MAP9: variants seen among roughly 807,000 people sequenced by gnomAD.
The protein encoded by MAP9 is microtubule associated protein 9.
MAP9 carries 80 observed loss-of-function variants against 75.2 expected under a neutral mutation model. The ratio of observed to expected loss-of-function variants is 1.06; its 90% CI spans 0.89 to 1.28. The LOEUF (loss-of-function observed/expected upper bound fraction) is 1.28, where lower values mean the gene tolerates loss of function less well. Ranked by LOEUF, MAP9 falls within the 50% of genes most tolerant of loss-of-function variation. The pLI, the probability that MAP9 is intolerant of heterozygous loss-of-function variation, is 0.00. For synonymous variants in MAP9, 235 were observed against 237.3 expected (o/e 0.99, Z 0.09); for missense variants, 753 against 719.9 (o/e 1.05, Z -0.53).
chr4:155,358,295 A>G (rs896232914), intron 7 of MAP9, among the ~76,000 whole-genome samples: 2 of 152,186 alleles, frequency 1.3e-5, no homozygotes, highest in Non-Finnish European at 2.9e-5. Flanking sequence ...CAACTTTTCT[A>G]CTTTACACAG....
chr4:155,359,323 G>A (rs931261755), intron 7 of MAP9, among the ~76,000 whole-genome samples: 1 of 151,666 alleles, frequency 6.6e-6, no homozygotes, highest in Non-Finnish European at 1.5e-5. Flanking sequence ...ATTACCTTAA[G>A]TGAAATAAAT....
chr4:155,362,300 T>A (rs1030671267), intron 5 of MAP9, 159 bp from the exon 6 acceptor site: 4 of 528,598 alleles, frequency 7.6e-6, no homozygotes, highest in African/African-American at 6.0e-5. Context: ...GACAAGCCAA[T>A]GGAGGTAAGC....
At chr4:155,371,438 T>G (rs73855409) in intron 4 of MAP9, among the ~76,000 whole-genome samples, 101 of 152,142 alleles carry the variant, frequency 6.6e-4, no homozygotes, top group African/African-American at 2.0e-3. Context: ...TTTTTACTTT[T>G]CAACCTGAAG....
rs1441449612 is a variant in MAP9, at chr4:155,352,974, T to C, written c.1626A>G (p.Lys542=). Residue 542 remains lysine, a synonymous_variant, in exon 12 of 14, where the codon AAA becomes AAG. Coordinates refer to ENST00000311277, the MANE Select transcript of MAP9 (RefSeq NM_001039580.2). The part of the protein sequence containing the change: ...RKEREYERAK[K]QKEEETVAEK... ...CGGCAACAGTTTCCTCCTCTTTCTG[T>C]TTCTTTGCTCTTTCATATTCTCTCT... 2.6e-6 allele frequency: 4 copies of C among 1,544,508 alleles called. No individual in the cohort carries two copies. The highest frequency in any genetic ancestry group is 3.5e-6 in the Non-Finnish European group (4 of 1,140,670).
intron 4 of MAP9, 61 bp downstream of exon 4, chr4:155,373,075 G>T: frequency 1.7e-6 from 2 of 1,164,376 alleles, no homozygotes; most frequent in South Asian, 1.8e-5. Context: ...AAAAATTTTG[G>T]GACTGATTAT....
At chr4:155,366,586 T>C (rs1281284121) in intron 5 of MAP9, among the ~76,000 whole-genome samples, 1 of 152,148 alleles carries the variant, frequency 6.6e-6, no homozygotes, top group Non-Finnish European at 1.5e-5. Context: ...TATCAAGATT[T>C]AGCACGAAAG....
At chr4:155,375,607 T>C (rs1367405781) in intron 2 of MAP9, among the ~76,000 whole-genome samples, 169 bp downstream of exon 2, 1 of 152,156 alleles carries the variant, frequency 6.6e-6, no homozygotes, top group Non-Finnish European at 1.5e-5. Context: ...TAAAACCATA[T>C]AGGGGAGTTT....
At chr4:155,355,190 A>G (rs1731715912) in intron 9 of MAP9, 30 bp from the exon 10 acceptor site, 2 of 759,204 alleles carry the variant, frequency 2.6e-6, no homozygotes, top group Non-Finnish European at 4.0e-6. Flanking sequence ...GTCATATAAT[A>G]TTTAAAATTT....
At chr4:155,358,405 T>C (rs1731901311) in intron 7 of MAP9, among the ~76,000 whole-genome samples, 1 of 152,214 alleles carries the variant, frequency 6.6e-6, no homozygotes, top group Non-Finnish European at 1.5e-5. Context: ...CTAAGGATGA[T>C]ATACCTGGAA....
intron 5 of MAP9, among the ~76,000 whole-genome samples, chr4:155,366,750 A>G (rs1732349552): frequency 6.6e-6 from 1 of 152,196 alleles, no homozygotes; most frequent in Non-Finnish European, 1.5e-5. Flanking sequence ...ACAATTACCA[A>G]ACTGGCAAAA....
chr4:155,349,174 C>T (rs1165401943), intron 13 of MAP9, among the ~76,000 whole-genome samples: 1 of 10,480 alleles, frequency 9.5e-5, no homozygotes, highest in Non-Finnish European at 2.1e-4. Context: ...AAGAGCTTTG[C>T]TTGCAAACAG....
At chr4:155,356,910 G>A (rs1731815801) in intron 8 of MAP9, among the ~76,000 whole-genome samples, 1 of 152,088 alleles carries the variant, frequency 6.6e-6, no homozygotes, top group African/African-American at 2.4e-5. Context: ...TATGAGTTAG[G>A]CATTCATTAT....
chr4:155,360,548 T>C (rs1396926572), intron 6 of MAP9, 133 bp from the exon 7 acceptor site: 1 of 875,222 alleles, frequency 1.1e-6, no homozygotes, highest in African/African-American at 1.7e-5. Context: ...AGAAAAGTTA[T>C]CATATTAAAC....
Position 155,373,304 on chromosome 4 carries a change from C to A in MAP9, c.313G>T (p.Glu105Ter), listed in dbSNP as rs748612149. The A allele has an allele frequency of 6.2e-7, 1 of 1,613,886 alleles. No individual in the cohort carries two copies. The highest frequency in any genetic ancestry group is 8.5e-7 in the Non-Finnish European group (1 of 1,179,928). The change falls in exon 4 of 14, where the codon GAG (glutamate) becomes TAG (stop). Residue 105 changes from glutamate (E) to a stop codon, truncating the protein, a stop_gained. Coordinates refer to ENST00000311277, the MANE Select transcript of MAP9 (RefSeq NM_001039580.2). LOFTEE classifies it high-confidence loss of function. ...NKSNGNITKDEPVCAIKNEEE... is the reference protein window; with the variant it reads ...NKSNGNITKD ...TCATTTTTGATGGCACACACTGGCT[C>A]ATCTTTGGTTATGTTACCGTTTGAT...
In MAP9 at chr4:155,368,864, A is replaced by T. The variant is rs560255844; in HGVS notation, c.482-52T>A. ...TGTATAAAAAAATGACCATGGCTTT[A>T]TCTATCTCTCTGGGTGCTACCATAC... is the stretch of plus-strand genomic sequence containing the variant. On this transcript the variant is annotated intron_variant, in intron 4 of 13. Transcript: ENST00000311277. 3.4e-6 allele frequency: 5 copies of T among 1,451,634 alleles called. No homozygotes were observed. In the African/African-American group the frequency reaches 7.0e-5, roughly 20 times the overall value. 89.9% of individuals were successfully genotyped at this position (1,451,634 alleles called of 1,614,324 possible). A position where few individuals can be genotyped will look rare whatever the true frequency, so the allele number is the denominator to read the frequency against.
At chr4:155,373,714 A>C (rs1732708822) in intron 3 of MAP9, among the ~76,000 whole-genome samples, 1 of 152,172 alleles carries the variant, frequency 6.6e-6, no homozygotes, top group Admixed American at 6.5e-5. Flanking sequence ...AGGGTACCAA[A>C]CAACCAAACA....
rs1731229223 is a variant in MAP9, at chr4:155,344,898, TCTTTA to T, written c.*2880_*2884del. 1.3e-5 allele frequency: 2 copies of T among 152,120 alleles called. No homozygotes were observed. Among genetic ancestry groups the T allele is most frequent in the Admixed American group, 6.6e-5 (1 of 15,262 alleles). The allele number at this position is 152,120 out of a possible 1,614,324, so 9.4% of individuals were successfully genotyped here. ...TTTAAAATATTCATAAAATTTGTTT[TCTTTA>T]CTTTGAGATCTCTGCATTCTTTAAG... is the stretch of plus-strand genomic sequence containing the variant. On this transcript the variant is annotated 3_prime_UTR_variant, in exon 14 of 14. Coordinates refer to ENST00000311277, the MANE Select transcript of MAP9 (RefSeq NM_001039580.2).
chr4:155,371,199 C>T (rs1208815457), intron 4 of MAP9, among the ~76,000 whole-genome samples: 1 of 151,992 alleles, frequency 6.6e-6, no homozygotes, highest in South Asian at 2.1e-4. Context: ...CAGAGAAAAC[C>T]TTCAAGCTCT....
At chr4:155,348,110 T>G (rs1277930613) in intron 13 of MAP9, among the ~76,000 whole-genome samples, 1 of 151,920 alleles carries the variant, frequency 6.6e-6, no homozygotes, top group Non-Finnish European at 1.5e-5. Flanking sequence ...CTAAGGTGGG[T>G]GGATTGTTTG....
Sources: gnomAD v4.1 joint callset for allele counts (sites outside exome capture counted in the v4.1 genomes callset) on GRCh38, gnomAD v4.1.1 for gene constraint, MANE v1.5 for transcripts, NCBI Gene and HGNC (gene_info 2026-07-23, HGNC 2026-07-21) for gene names.